CCDC50: variants seen among roughly 807,000 people sequenced by gnomAD.
CCDC50 encodes the protein coiled-coil domain containing 50.
In CCDC50, 54 loss-of-function variants were observed where a neutral mutation model predicts 70.2. The ratio of observed to expected loss-of-function variants is 0.77; its 90% CI spans 0.62 to 0.96. The LOEUF is 0.96. Ranked by LOEUF, CCDC50 falls within the 50% of genes least tolerant of loss-of-function variation. The probability of loss-of-function intolerance (pLI) is 0.00; values close to 1 mark genes in which losing one functional copy is unlikely to be tolerated. For missense variants in CCDC50, 558 were observed against 578.7 expected (o/e 0.96, Z 0.37); for synonymous variants, 216 against 198.8 (o/e 1.09, Z -0.73).
intron 11 of CCDC50, among the ~76,000 whole-genome samples, chr3:191,391,155 T>C (rs1463867752): frequency 1.3e-5 from 2 of 152,218 alleles, no homozygotes; most frequent in Non-Finnish European, 2.9e-5. Flanking sequence ...TTTGTTATGA[T>C]TTTTGAAGAC....
At chr3:191,358,924 A>C (rs992491866) in intron 3 of CCDC50, among the ~76,000 whole-genome samples, 4 of 152,196 alleles carry the variant, frequency 2.6e-5, no homozygotes, top group African/African-American at 9.7e-5. Flanking sequence ...TTGCTAACTT[A>C]TAGGAAGGGT....
At chr3:191,339,461 G>C (rs1286259459) in intron 1 of CCDC50, among the ~76,000 whole-genome samples, 1 of 152,164 alleles carries the variant, frequency 6.6e-6, no homozygotes, top group Non-Finnish European at 1.5e-5. Context: ...TTGTCTTCCT[G>C]TTCCTAGATA....
At chr3:191,385,496 G>A (rs1472907161) in intron 10 of CCDC50, among the ~76,000 whole-genome samples, 1 of 152,006 alleles carries the variant, frequency 6.6e-6, no homozygotes, top group African/African-American at 2.4e-5. Context: ...CTTTTTAATA[G>A]GGTTGTTTTT....
chr3:191,334,826 T>C (rs894357838), intron 1 of CCDC50, among the ~76,000 whole-genome samples: 10 of 152,176 alleles, frequency 6.6e-5, no homozygotes, highest in African/African-American at 2.2e-4. Flanking sequence ...AGGCTTTTTC[T>C]GAGGATAGTT....
intron 6 of CCDC50, among the ~76,000 whole-genome samples, chr3:191,378,590 G>C (rs533405679): frequency 6.6e-6 from 1 of 152,134 alleles, no homozygotes; most frequent in South Asian, 2.1e-4. Context: ...AGACTATCTT[G>C]TCCACTGACA....
At chr3:191,363,567 C>G (rs886813700) in intron 4 of CCDC50, among the ~76,000 whole-genome samples, 18 of 152,160 alleles carry the variant, frequency 1.2e-4, no homozygotes, top group Admixed American at 1.1e-3. Flanking sequence ...TATAATTGCC[C>G]TTTCCTTGAT....
chr3:191,334,891 C>G (rs1251771829), intron 1 of CCDC50, among the ~76,000 whole-genome samples: 1 of 152,104 alleles, frequency 6.6e-6, no homozygotes, highest in Non-Finnish European at 1.5e-5. Context: ...TTTTTTACAA[C>G]TTTTAGTTTT....
At chr3:191,364,263 T>C (rs917801830) in intron 4 of CCDC50, among the ~76,000 whole-genome samples, 1 of 152,038 alleles carries the variant, frequency 6.6e-6, no homozygotes, top group Admixed American at 6.5e-5. Flanking sequence ...GAGACAGGGT[T>C]TCGTCATGTT....
Position 191,396,576 on chromosome 3 carries a change from T to C in CCDC50, c.*4816T>C, listed in dbSNP as rs559513334. On this transcript the variant is annotated 3_prime_UTR_variant, in exon 12 of 12. Transcript: ENST00000392455. ...GAAGATATTTCCAAAGGTTCTGTTATGCAGTGAAGACATTCAGATTATTTG... is the reference window on the plus strand; with the variant it reads ...GAAGATATTTCCAAAGGTTCTGTTACGCAGTGAAGACATTCAGATTATTTG... 7 of 152,298 alleles carry C rather than the reference T, an allele frequency of 4.6e-5. No individual in the cohort carries two copies. Among genetic ancestry groups the C allele is most frequent in the East Asian group, 3.9e-4 (2 of 5,190 alleles). The allele number at this position is 152,298 out of a possible 1,614,324, so 9.4% of individuals were successfully genotyped here.
intron 1 of CCDC50, among the ~76,000 whole-genome samples, chr3:191,336,554 C>T: frequency 6.6e-6 from 1 of 151,944 alleles, no homozygotes. Context: ...TTTACATATT[C>T]TGGATACAGT....
intron 6 of CCDC50, among the ~76,000 whole-genome samples, chr3:191,377,600 G>T (rs897414724): frequency 2.0e-5 from 3 of 152,090 alleles, no homozygotes; most frequent in Non-Finnish European, 2.9e-5. Context: ...TTGTTAGTCA[G>T]ATATACTGTG....
At chr3:191,390,340 C>T (rs984518521) in intron 11 of CCDC50, among the ~76,000 whole-genome samples, 6 of 152,080 alleles carry the variant, frequency 3.9e-5, no homozygotes, top group Non-Finnish European at 8.8e-5. Flanking sequence ...AATAGGGATA[C>T]CTCAATTGGA....
At chr3:191,363,200 T>C (rs963759834) in intron 4 of CCDC50, among the ~76,000 whole-genome samples, 10 of 152,142 alleles carry the variant, frequency 6.6e-5, no homozygotes, top group African/African-American at 2.4e-4. Flanking sequence ...TATATAAAAT[T>C]AGCAGTTTAG....
At chr3:191,388,140 T>A (rs958414614) in intron 10 of CCDC50, among the ~76,000 whole-genome samples, 26 of 150,984 alleles carry the variant, frequency 1.7e-4, no homozygotes, top group African/African-American at 6.1e-4. Context: ...TCCATTACTT[T>A]TATATATATA....
intron 6 of CCDC50, among the ~76,000 whole-genome samples, chr3:191,377,891 GCTAGTTT>G (rs1394657202): frequency 1.3e-5 from 2 of 152,110 alleles, no homozygotes; most frequent in African/African-American, 4.8e-5. Flanking sequence ...TTTTTTGAAA[GCTAGTTT>G]CTAGAGTCTG....
intron 4 of CCDC50, among the ~76,000 whole-genome samples, chr3:191,364,143 A>C (rs1712594596): frequency 6.6e-6 from 1 of 150,782 alleles, no homozygotes; most frequent in Non-Finnish European, 1.5e-5. Flanking sequence ...ATCTTCGCTC[A>C]CTGCAACCAC....
At chr3:191,364,657 T>TATA (rs1292072992) in intron 4 of CCDC50, among the ~76,000 whole-genome samples, 1 of 152,054 alleles carries the variant, frequency 6.6e-6, no homozygotes, top group Non-Finnish European at 1.5e-5. Flanking sequence ...CAACCTTGCG[T>TATA]GTATAAATTA....
intron 1 of CCDC50, among the ~76,000 whole-genome samples, chr3:191,335,028 T>C (rs1042186567): frequency 6.6e-6 from 1 of 152,172 alleles, no homozygotes; most frequent in Non-Finnish European, 1.5e-5. Flanking sequence ...GAGGCTAATA[T>C]TTAAAGGTAG....
chr3:191,351,540 G>A (rs1274391990), intron 1 of CCDC50, among the ~76,000 whole-genome samples: 1 of 141,574 alleles, frequency 7.1e-6, no homozygotes, highest in African/African-American at 2.5e-5. Context: ...GAATTGGGGA[G>A]TGGGCTGTGT....
Sources: gnomAD v4.1 joint callset for allele counts (sites outside exome capture counted in the v4.1 genomes callset) on GRCh38, gnomAD v4.1.1 for gene constraint, MANE v1.5 for transcripts, NCBI Gene and HGNC (gene_info 2026-07-23, HGNC 2026-07-21) for gene names.